Variants in SYT16 observed in about 807,000 individuals in gnomAD.
SYT16 encodes synaptotagmin-16.
A neutral mutation model predicts 61.4 loss-of-function variants in SYT16; 42 were observed. That is an observed-to-expected ratio of 0.68 (90% confidence interval 0.53 to 0.89). The LOEUF is 0.89. SYT16 is among the 40% of genes least tolerant of loss of function. SYT16 has a pLI of 0.00. For missense variants in SYT16, 804 were observed against 807.3 expected (o/e 1.00, Z 0.05); for synonymous variants, 314 against 302.3 (o/e 1.04, Z -0.40).
chr14:62,033,811 G>T (rs1362527928), intron 3 of SYT16, among the ~76,000 whole-genome samples: 2 of 152,080 alleles, frequency 1.3e-5, no homozygotes, highest in African/African-American at 4.8e-5. Flanking sequence ...AGCCATATTA[G>T]ATATAACACT....
Position 61,995,885 on chromosome 14 carries a change from T to G in SYT16, c.-135T>G, listed in dbSNP as rs1487445686. 2 of 886,108 alleles carry G rather than the reference T, an allele frequency of 2.3e-6. No individual in the cohort carries two copies. The highest frequency in any genetic ancestry group is 3.4e-5 in the African/African-American group (2 of 59,050). 54.9% of individuals were successfully genotyped at this position (886,108 alleles called of 1,614,324 possible). On this transcript the variant is annotated 5_prime_UTR_variant, in exon 3 of 8. Coordinates refer to ENST00000683842, the MANE Select transcript of SYT16 (RefSeq NM_001367656.1). The stretch of plus-strand genomic sequence containing the variant: ...CTTTCCTCTGTTTCAGCTGGAAGTT[T>G]TGAGAGTGAAATATTCACAGCCATT...
At chr14:62,061,105 T>C (rs1487201020) in intron 3 of SYT16, among the ~76,000 whole-genome samples, 1 of 152,144 alleles carries the variant, frequency 6.6e-6, no homozygotes, top group African/African-American at 2.4e-5. Flanking sequence ...TGTTGCAAAG[T>C]ACAAATCATT....
chr14:62,020,717 G>A (rs895912551), intron 3 of SYT16, among the ~76,000 whole-genome samples: 1 of 152,136 alleles, frequency 6.6e-6, no homozygotes, highest in Admixed American at 6.5e-5. Flanking sequence ...ATTCCTGGTG[G>A]GCGTCAGGAG....
At chr14:61,891,242 GCACACACACACACA>G (rs34375502) in intron 1 of SYT16, among the ~76,000 whole-genome samples, 2 of 147,802 alleles carry the variant, frequency 1.4e-5, no homozygotes, top group African/African-American at 2.5e-5. Context: ...ACACACACGC[GCACACACACACACA>G]CACACACACA....
intron 4 of SYT16, among the ~76,000 whole-genome samples, chr14:62,073,647 G>A (rs2056378954): frequency 6.6e-6 from 1 of 152,154 alleles, no homozygotes; most frequent in African/African-American, 2.4e-5. Context: ...CCCCATATTA[G>A]GAGTCTGAAG....
chr14:61,966,597 T>C (rs1338535341), intron 1 of SYT16, among the ~76,000 whole-genome samples: 1 of 152,198 alleles, frequency 6.6e-6, no homozygotes, highest in Non-Finnish European at 1.5e-5. Flanking sequence ...AAAATCTTAG[T>C]AGTGAGTTGT....
intron 3 of SYT16, among the ~76,000 whole-genome samples, chr14:62,023,374 C>T (rs28394216): frequency 0.11 from 16,198 of 152,184 alleles, 1,262 homozygotes; most frequent in African/African-American, 0.22. Context: ...CAAACTCTGA[C>T]TTCCCCCAAA....
rs371928042 is a variant in SYT16 at position 61,948,563 on chromosome 14, C to A, written c.-324-21569C>A. The stretch of plus-strand genomic sequence containing the variant: ...TGCATATTTGGGAAGTTTCAGAGGA[C>A]TTTTGAAGAGGAGAGCGAGTGAAGT... On this transcript the variant is annotated intron_variant, in intron 1 of 7. Coordinates refer to ENST00000683842, the MANE Select transcript of SYT16 (RefSeq NM_001367656.1). 1.9e-3 allele frequency among the ~76,000 whole-genome samples: 294 copies of A among 152,220 alleles called. 4 individuals carry two copies. The highest frequency in any genetic ancestry group is 0.014 in the South Asian group (68 of 4,820).
chr14:62,028,279 G>T (rs1469900303), intron 3 of SYT16, among the ~76,000 whole-genome samples: 2 of 152,198 alleles, frequency 1.3e-5, no homozygotes, highest in Non-Finnish European at 2.9e-5. Flanking sequence ...TGGTTGGGAT[G>T]ACAATGATTA....
rs545329277 is a variant in SYT16, at chr14:62,030,616, G to C, written c.523+34074G>C. Among the ~76,000 whole-genome samples, 3 of 152,280 alleles carry C rather than the reference G, an allele frequency of 2.0e-5. No individual in the cohort carries two copies. In the East Asian group the frequency reaches 5.8e-4, roughly 29 times the overall value. On this transcript the variant is annotated intron_variant, in intron 3 of 7. Transcript: ENST00000683842. ...AACTACCTGTTTCACTTCTTGCCAG[G>C]AGCAGAATGTAGCTCTGATCAGTCT...
intron 2 of SYT16, among the ~76,000 whole-genome samples, chr14:61,995,373 A>G (rs1393898129): frequency 6.6e-6 from 1 of 152,142 alleles, no homozygotes; most frequent in Non-Finnish European, 1.5e-5. Context: ...TATGATTTCT[A>G]GAGATTGCAT....
intron 1 of SYT16, chr14:61,897,126 A>G (rs2048351681): frequency 6.6e-6 from 1 of 152,218 alleles, no homozygotes; most frequent in Admixed American, 6.5e-5. Flanking sequence ...TTTTATTGGA[A>G]CACAACCATG....
intron 1 of SYT16, among the ~76,000 whole-genome samples, chr14:61,949,810 G>T (rs980623225): frequency 6.6e-6 from 1 of 152,148 alleles, no homozygotes; most frequent in Non-Finnish European, 1.5e-5. Context: ...TCTGGTGAGG[G>T]TAGCTCCGTA....
chr14:61,864,639 G>A (rs754173244), intron 1 of SYT16, among the ~76,000 whole-genome samples: 2 of 152,268 alleles, frequency 1.3e-5, no homozygotes, highest in Non-Finnish European at 2.9e-5. Context: ...TTTGGCGGTG[G>A]AATGAGTGCG....
intron 1 of SYT16, among the ~76,000 whole-genome samples, chr14:61,906,309 G>T (rs1417648999): frequency 6.6e-6 from 1 of 152,164 alleles, no homozygotes; most frequent in Admixed American, 6.5e-5. Context: ...TAGTAGCACA[G>T]TCTTTCTCTG....
At chr14:61,951,623 A>G (rs1007158750) in intron 1 of SYT16, among the ~76,000 whole-genome samples, 2 of 152,008 alleles carry the variant, frequency 1.3e-5, no homozygotes, top group African/African-American at 2.4e-5. Context: ...TTATCTCTCA[A>G]TCTCTCTCAT....
intron 1 of SYT16, among the ~76,000 whole-genome samples, chr14:61,869,550 G>A (rs1742106394): frequency 6.6e-6 from 1 of 151,920 alleles, no homozygotes. Context: ...TATTTCTCTT[G>A]GTCTTTGTGT....
At chr14:62,024,002 G>A (rs1264302532) in intron 3 of SYT16, among the ~76,000 whole-genome samples, 10 of 152,060 alleles carry the variant, frequency 6.6e-5, no homozygotes, top group Admixed American at 5.9e-4. Flanking sequence ...GGAAGAAATG[G>A]TGTCTTTAAA....
intron 1 of SYT16, among the ~76,000 whole-genome samples, chr14:61,845,363 A>G (rs1044831069): frequency 2.6e-5 from 4 of 151,998 alleles, no homozygotes; most frequent in Non-Finnish European, 4.4e-5. Flanking sequence ...ACTTTTTATT[A>G]TGGCTTCAAT....
Sources: allele counts gnomAD v4.1 joint callset (sites outside exome capture counted in the v4.1 genomes callset), GRCh38; gene constraint gnomAD v4.1.1; transcripts MANE v1.5; gene names NCBI Gene and HGNC (gene_info 2026-07-23, HGNC 2026-07-21).